The following DLEU7 variants were observed in gnomAD, a reference collection of about 807,000 sequenced individuals.
DLEU7 encodes the protein deleted in lymphocytic leukemia 7.
DLEU7 carries 17 observed loss-of-function variants against 16.0 expected under a neutral mutation model. That is an observed-to-expected ratio of 1.06 (90% confidence interval 0.73 to 1.59). The LOEUF (loss-of-function observed/expected upper bound fraction) is 1.59, where lower values mean the gene tolerates loss of function less well. DLEU7 is among the 40% of genes most tolerant of loss of function. The pLI is 0.00. For missense variants in DLEU7, 308 were observed against 314.9 expected (o/e 0.98, Z 0.17); for synonymous variants, 113 against 139.8 (o/e 0.81, Z 1.35).
At chr13:50,749,003 C>T (rs2137732157) in intron 1 of DLEU7, among the ~76,000 whole-genome samples, 1 of 152,182 alleles carries the variant, frequency 6.6e-6, no homozygotes, top group Non-Finnish European at 1.5e-5. Context: ...GAGCAGTATA[C>T]ATTGTACCCT....
intron 1 of DLEU7, among the ~76,000 whole-genome samples, chr13:50,754,819 A>G (rs1874703220): frequency 1.3e-5 from 2 of 152,066 alleles, no homozygotes; most frequent in African/African-American, 4.8e-5. Flanking sequence ...TTCTGTTTTG[A>G]TGTGTTTCCA....
chr13:50,819,128 G>C (rs1234851485), downstream of DLEU7, among the ~76,000 whole-genome samples: 1 of 152,176 alleles, frequency 6.6e-6, no homozygotes, highest in Non-Finnish European at 1.5e-5. Flanking sequence ...ACAAAGCAGG[G>C]AATAGGGATA....
At chr13:50,811,183 T>A (rs958108298) in intron 1 of DLEU7, among the ~76,000 whole-genome samples, 6 of 152,140 alleles carry the variant, frequency 3.9e-5, no homozygotes, top group Non-Finnish European at 8.8e-5. Context: ...ATTGGCAAAC[T>A]ATAAAGGTCA....
chr13:50,764,540 T>A (rs1875041918), intron 1 of DLEU7, among the ~76,000 whole-genome samples: 1 of 152,206 alleles, frequency 6.6e-6, no homozygotes, highest in African/African-American at 2.4e-5. Context: ...ATTAAATAAG[T>A]TCAGAGGCTT....
intron 1 of DLEU7, among the ~76,000 whole-genome samples, chr13:50,796,316 G>A (rs1033890090): frequency 6.6e-6 from 1 of 152,026 alleles, no homozygotes; most frequent in Admixed American, 6.6e-5. Context: ...GTAAAATAAG[G>A]GTTATTTGAA....
intron 1 of DLEU7, among the ~76,000 whole-genome samples, chr13:50,835,826 TA>T: frequency 6.6e-6 from 1 of 152,242 alleles, no homozygotes; most frequent in Non-Finnish European, 1.5e-5. Context: ...TGCAAAATCT[TA>T]AAACGGAAGA....
At chr13:50,784,226 G>C (rs1875738181) in intron 1 of DLEU7, among the ~76,000 whole-genome samples, 1 of 152,170 alleles carries the variant, frequency 6.6e-6, no homozygotes. Flanking sequence ...TTCACTTCAA[G>C]ACATATTAAA....
intron 1 of DLEU7, among the ~76,000 whole-genome samples, chr13:50,731,858 C>A (rs1371039148): frequency 6.6e-6 from 1 of 151,996 alleles, no homozygotes; most frequent in Non-Finnish European, 1.5e-5. Context: ...ACATTTTTTG[C>A]CAATTTGAAC....
intron 1 of DLEU7, among the ~76,000 whole-genome samples, chr13:50,779,178 A>G (rs1054750969): frequency 6.6e-6 from 1 of 152,186 alleles, no homozygotes; most frequent in Non-Finnish European, 1.5e-5. Flanking sequence ...CAGGAGCAGA[A>G]ATTCCCACCC....
At chr13:50,750,008 C>T (rs1009139140) in intron 1 of DLEU7, among the ~76,000 whole-genome samples, 2 of 152,092 alleles carry the variant, frequency 1.3e-5, no homozygotes, top group East Asian at 3.9e-4. Context: ...AAATGCTTGC[C>T]TAAGCCAATG....
chr13:50,754,449 C>T (rs899469856), intron 1 of DLEU7, among the ~76,000 whole-genome samples: 4 of 152,244 alleles, frequency 2.6e-5, no homozygotes, highest in African/African-American at 9.6e-5. Context: ...CTTTTAACTG[C>T]TGCTGCTTCA....
intron 1 of DLEU7, among the ~76,000 whole-genome samples, chr13:50,795,672 T>G (rs757984591): frequency 2.7e-4 from 41 of 152,358 alleles, no homozygotes; most frequent in Admixed American, 7.2e-4. Context: ...TACACATATT[T>G]GTGTTTCTAT....
chr13:50,737,331 T>A (rs1874102252), intron 1 of DLEU7, among the ~76,000 whole-genome samples: 1 of 152,158 alleles, frequency 6.6e-6, no homozygotes, highest in Admixed American at 6.5e-5. Flanking sequence ...ACATTTGAAA[T>A]TTAACCTATT....
intron 1 of DLEU7, among the ~76,000 whole-genome samples, chr13:50,761,912 C>T (rs916704907): frequency 2.6e-5 from 4 of 151,816 alleles, no homozygotes; most frequent in Admixed American, 6.6e-5. Context: ...AATATTGGGC[C>T]GGGCACGGTG....
In DLEU7 at chr13:50,800,028, G is replaced by A. The variant is rs528804485; in HGVS notation, c.459+43160C>T. ...TTGCCTGTGAAGAAAGATTGGCAAGGGGCATTGAAGGCTTCATGCAGGAGA... is the reference window on the plus strand; with the variant it reads ...TTGCCTGTGAAGAAAGATTGGCAAGAGGCATTGAAGGCTTCATGCAGGAGA... On this transcript the variant is annotated intron_variant, in intron 1 of 1. Coordinates refer to the DLEU7 transcript ENST00000400393. Among the ~76,000 whole-genome samples, 3 of 152,300 alleles carry A rather than the reference G, an allele frequency of 2.0e-5. No homozygotes were observed. In the South Asian group the frequency reaches 6.2e-4, roughly 32 times the overall value.
At chr13:50,842,465 G>T (rs1009154862) in intron 1 of DLEU7, among the ~76,000 whole-genome samples, 1 of 152,146 alleles carries the variant, frequency 6.6e-6, no homozygotes, top group Non-Finnish European at 1.5e-5. Context: ...CCAGATTTCC[G>T]CAATCTCACT....
intron 1 of DLEU7, among the ~76,000 whole-genome samples, chr13:50,745,588 T>C (rs981304806): frequency 6.6e-6 from 1 of 152,192 alleles, no homozygotes; most frequent in African/African-American, 2.4e-5. Flanking sequence ...TATATACACA[T>C]TTGTGGTTGT....
chr13:50,835,860 C>G (rs573745079), intron 1 of DLEU7, among the ~76,000 whole-genome samples: 44 of 152,346 alleles, frequency 2.9e-4, no homozygotes, highest in African/African-American at 9.9e-4. Flanking sequence ...GTTTTTAAAG[C>G]TTGGTACTGA....
intron 1 of DLEU7, among the ~76,000 whole-genome samples, chr13:50,766,765 G>C (rs756618185): frequency 1.7e-4 from 26 of 152,138 alleles, no homozygotes; most frequent in Non-Finnish European, 3.8e-4. Context: ...AAGAAGTTTG[G>C]AGCATGGCCT....
Sources: allele counts gnomAD v4.1 joint callset (sites outside exome capture counted in the v4.1 genomes callset), GRCh38; gene constraint gnomAD v4.1.1; transcripts MANE v1.5; gene names NCBI Gene and HGNC (gene_info 2026-07-23, HGNC 2026-07-21).